HSD17B12: variants seen among roughly 807,000 people sequenced by gnomAD.
HSD17B12 encodes hydroxysteroid 17-beta dehydrogenase 12, also known as very-long-chain 3-oxoacyl-CoA reductase.
Under a neutral mutation model 39.3 loss-of-function variants are expected in HSD17B12, and 32 were observed. That is an observed-to-expected ratio of 0.81 (90% CI 0.61 to 1.09). The LOEUF (loss-of-function observed/expected upper bound fraction) is 1.09. Ranked by LOEUF, HSD17B12 falls within the 50% of genes least tolerant of loss-of-function variation. The probability of loss-of-function intolerance (pLI) is 0.00; values close to 1 mark genes in which losing one functional copy is unlikely to be tolerated. For missense variants in HSD17B12, 342 were observed against 382.9 expected (o/e 0.89, Z 0.89); for synonymous variants, 150 against 146.7 (o/e 1.02, Z -0.16).
chr11:43,793,968 AG>A (rs1370223547), intron 3 of HSD17B12, among the ~76,000 whole-genome samples: 1 of 152,228 alleles, frequency 6.6e-6, no homozygotes, highest in Admixed American at 6.5e-5. Flanking sequence ...AGTGTAGCTT[AG>A]CTTCATTCTC....
At chr11:43,698,521 C>G (rs1185373891) in intron 1 of HSD17B12, among the ~76,000 whole-genome samples, 3 of 152,198 alleles carry the variant, frequency 2.0e-5, no homozygotes, top group Non-Finnish European at 4.4e-5. Context: ...GCTATTTTCT[C>G]TTTGGGCAGA....
chr11:43,846,671 A>T (rs935800638), intron 9 of HSD17B12, among the ~76,000 whole-genome samples: 1 of 152,214 alleles, frequency 6.6e-6, no homozygotes, highest in African/African-American at 2.4e-5. Context: ...TCTCAAAAAA[A>T]TAAAAATAAA....
At chr11:43,835,942 C>G (rs1321299796) in intron 7 of HSD17B12, among the ~76,000 whole-genome samples, 1 of 152,096 alleles carries the variant, frequency 6.6e-6, no homozygotes, top group Non-Finnish European at 1.5e-5. Flanking sequence ...CTTTAAATGA[C>G]TTTTCCTGTA....
the HSD17B12 span, among the ~76,000 whole-genome samples, chr11:43,664,815 C>T: frequency 9.1e-3 from 1,382 of 152,188 alleles, 23 homozygotes; most frequent in African/African-American, 0.031. Flanking sequence ...TTTCTAGTAA[C>T]GGAGTTTTTA....
At chr11:43,590,870 G>C in the HSD17B12 span, among the ~76,000 whole-genome samples, 3 of 147,244 alleles carry the variant, frequency 2.0e-5, no homozygotes, top group Non-Finnish European at 4.5e-5. Flanking sequence ...ATAAGAAAAA[G>C]AGGACAGAAA....
intron 6 of HSD17B12, among the ~76,000 whole-genome samples, chr11:43,822,578 C>T (rs915273451): frequency 4.6e-5 from 7 of 152,170 alleles, no homozygotes; most frequent in Admixed American, 1.3e-4. Flanking sequence ...TGAGAACATG[C>T]GGTGTTTGGT....
chr11:43,585,517 G>T, the HSD17B12 span, among the ~76,000 whole-genome samples: 4 of 152,174 alleles, frequency 2.6e-5, no homozygotes, highest in Admixed American at 2.6e-4. Context: ...TTATACAACA[G>T]ATCTATTTGC....
chr11:43,807,857 A>G (rs1280514799), intron 4 of HSD17B12, among the ~76,000 whole-genome samples: 1 of 152,162 alleles, frequency 6.6e-6, no homozygotes, highest in East Asian at 1.9e-4. Flanking sequence ...TTAAGTCATT[A>G]TTGCCGACAT....
At position 43,726,387 on chromosome 11, in the gene HSD17B12, C is replaced by G. The variant is rs548745169; in HGVS notation, c.161-24524C>G. Among the ~76,000 whole-genome samples the G allele has an allele frequency of 1.2e-3, 176 of 152,120 alleles. 1 individual carries two copies. In the South Asian group the frequency reaches 0.012, roughly 11 times the overall value. ...ATAAGTAGGTTTAACCCCTAAAGCC[C>G]GAGCAAAGGAAGAAAGGAGAAATTG... On this transcript the variant is annotated intron_variant, in intron 1 of 10. Transcript: ENST00000278353.
the HSD17B12 span, among the ~76,000 whole-genome samples, chr11:43,598,990 G>A: frequency 3.9e-5 from 6 of 152,298 alleles, no homozygotes; most frequent in East Asian, 9.6e-4. Context: ...CTCTGCCACC[G>A]ATTTCTTACA....
the HSD17B12 span, among the ~76,000 whole-genome samples, chr11:43,634,694 C>T: frequency 7.9e-5 from 12 of 152,032 alleles, no homozygotes; most frequent in Non-Finnish European, 5.9e-5. Flanking sequence ...CTCCAGTGTT[C>T]GATTTAAAGT....
At chr11:43,709,035 G>A (rs774553931) in intron 1 of HSD17B12, among the ~76,000 whole-genome samples, 9 of 152,198 alleles carry the variant, frequency 5.9e-5, no homozygotes, top group Admixed American at 2.0e-4. Context: ...GCAGAGAGGA[G>A]AGGATGTAAC....
intron 1 of HSD17B12, among the ~76,000 whole-genome samples, chr11:43,713,581 G>T (rs902596813): frequency 1.3e-5 from 2 of 152,110 alleles, no homozygotes; most frequent in African/African-American, 4.8e-5. Context: ...TAGTGCTGCA[G>T]TAAACATACG....
intron 4 of HSD17B12, among the ~76,000 whole-genome samples, chr11:43,805,509 T>G (rs1429325411): frequency 6.6e-6 from 1 of 152,112 alleles, no homozygotes; most frequent in Admixed American, 6.6e-5. Flanking sequence ...AAAGGTAAAC[T>G]TAATGTAGTT....
At chr11:43,591,269 C>T in the HSD17B12 span, among the ~76,000 whole-genome samples, 2 of 151,978 alleles carry the variant, frequency 1.3e-5, no homozygotes, top group African/African-American at 2.4e-5. Flanking sequence ...TTTAAGCAAA[C>T]ATTTTAGGCC....
intron 3 of HSD17B12, among the ~76,000 whole-genome samples, chr11:43,778,244 A>G (rs1321341557): frequency 6.6e-6 from 1 of 152,256 alleles, no homozygotes; most frequent in Admixed American, 6.5e-5. Flanking sequence ...GAAGAAATGG[A>G]TAAATTCCTC....
At chr11:43,808,035 G>A (rs1456273433) in intron 4 of HSD17B12, among the ~76,000 whole-genome samples, 1 of 152,156 alleles carries the variant, frequency 6.6e-6, no homozygotes, top group Admixed American at 6.6e-5. Flanking sequence ...CAACTTCCAG[G>A]TTCTGACATG....
chr11:43,626,109 AT>A, the HSD17B12 span, among the ~76,000 whole-genome samples: 2 of 151,416 alleles, frequency 1.3e-5, no homozygotes, highest in Admixed American at 1.3e-4. Flanking sequence ...TTTATTTTTA[AT>A]TTTTTTTAAA....
chr11:43,703,654 A>G (rs1949987832), intron 1 of HSD17B12, among the ~76,000 whole-genome samples: 1 of 152,014 alleles, frequency 6.6e-6, no homozygotes, highest in Non-Finnish European at 1.5e-5. Flanking sequence ...GGTAGGTTGT[A>G]TGTGTCTAGG....
Sources: allele counts gnomAD v4.1 joint callset (sites outside exome capture counted in the v4.1 genomes callset), GRCh38; gene constraint gnomAD v4.1.1; transcripts MANE v1.5; gene names NCBI Gene and HGNC (gene_info 2026-07-23, HGNC 2026-07-21).